The following ENTPD1 variants were observed in gnomAD, a reference collection of about 807,000 sequenced individuals.
ENTPD1 encodes ectonucleoside triphosphate diphosphohydrolase 1, also known as ATP diphosphohydrolase.
In ENTPD1, 33 loss-of-function variants were observed where a neutral mutation model predicts 57.0. The observed-to-expected ratio is 0.58, with a 90% CI of 0.44 to 0.77. The LOEUF is 0.77. ENTPD1 is among the 30% of genes least tolerant of loss of function. The probability of loss-of-function intolerance (pLI) is 0.00; values close to 1 mark genes in which losing one functional copy is unlikely to be tolerated. For missense variants in ENTPD1, 501 were observed against 603.4 expected (o/e 0.83, Z 1.78); for synonymous variants, 202 against 218.8 (o/e 0.92, Z 0.68).
intron 1 of ENTPD1, among the ~76,000 whole-genome samples, chr10:95,764,174 C>T (rs150397724): frequency 7.9e-5 from 12 of 152,310 alleles, no homozygotes; most frequent in Non-Finnish European, 7.4e-5. Context: ...TGGCCCCCAC[C>T]GTTCTGAGTC....
chr10:95,821,862 A>G (rs1283038700), intron 1 of ENTPD1, among the ~76,000 whole-genome samples: 1 of 152,142 alleles, frequency 6.6e-6, no homozygotes, highest in East Asian at 1.9e-4. Flanking sequence ...GCCAGCTTCT[A>G]CGTTTGGGAA....
At chr10:95,814,889 G>A (rs2098324692) in intron 1 of ENTPD1, among the ~76,000 whole-genome samples, 1 of 151,120 alleles carries the variant, frequency 6.6e-6, no homozygotes, top group Non-Finnish European at 1.5e-5. Context: ...CTTATTTCCT[G>A]GCTCTATTTT....
At position 95,791,867 on chromosome 10, in the gene ENTPD1, G is replaced by A. The variant is rs1027994080; in HGVS notation, c.17-31370G>A. 6.6e-6 allele frequency among the ~76,000 whole-genome samples: 1 copy of A among 152,224 alleles called. No homozygotes were observed. Among genetic ancestry groups the A allele is most frequent in the African/African-American group, 2.4e-5 (1 of 41,542 alleles). On this transcript the variant is annotated intron_variant, in intron 1 of 9. Transcript: ENST00000371205. The surrounding 1 kb of genome is among the most constrained non-coding windows in gnomAD (Gnocchi z 4.1). ...GAACTCTAAGGATCCTTTCAACTTTGAGATTTTTTTTTGGTTTGAAAAAGA... is the reference window on the plus strand; with the variant it reads ...GAACTCTAAGGATCCTTTCAACTTTAAGATTTTTTTTTGGTTTGAAAAAGA...
At chr10:95,758,920 C>T (rs532852325) in intron 1 of ENTPD1, among the ~76,000 whole-genome samples, 8 of 152,302 alleles carry the variant, frequency 5.3e-5, no homozygotes, top group South Asian at 2.1e-4. Context: ...GGTCCTCTGA[C>T]GTACTTATTG....
rs762979493 is a variant in ENTPD1 at position 95,844,481 on chromosome 10, A to C, written c.419A>C (p.Glu140Ala). 47 of 1,614,018 alleles carry C rather than the reference A, an allele frequency of 2.9e-5. No individual in the cohort carries two copies. Among genetic ancestry groups the C allele is most frequent in the Non-Finnish European group, 4.0e-5 (47 of 1,179,992 alleles). ...ATAGMRLLRM[E>A]SEELADRVLD... Reference sequence around the variant, plus strand: ...TCAGCTCTTCCTTTGTACAGGATGGAAAGTGAAGAGTTGGCAGACAGGGTT... The same window carrying C: ...TCAGCTCTTCCTTTGTACAGGATGGCAAGTGAAGAGTTGGCAGACAGGGTT... The change falls in exon 5 of 10, where the codon GAA becomes GCA. Residue 140 changes from glutamate to alanine, a missense_variant. Physicochemically the swap from Glu to Ala is moderately radical, Grantham distance 107. Transcript: ENST00000371205.
intron 8 of ENTPD1, among the ~76,000 whole-genome samples, chr10:95,863,525 A>C (rs1271079675): frequency 1.3e-5 from 2 of 152,222 alleles, no homozygotes; most frequent in African/African-American, 4.8e-5. Flanking sequence ...ATCAAAGGAT[A>C]ATTTCCAGAA....
rs2098486504 is a variant in ENTPD1 at position 95,877,146 on chromosome 10, T to C, written c.*10763T>C. 6.6e-6 allele frequency among the ~76,000 whole-genome samples: 1 copy of C among 152,248 alleles called. No individual in the cohort carries two copies. Among genetic ancestry groups the C allele is most frequent in the African/African-American group, 2.4e-5 (1 of 41,468 alleles). ...CAATTGGTTATCTTATAGAGTCTCC[T>C]AGAATATTTCATTGGCATTGAGAAG... On this transcript the variant is annotated 3_prime_UTR_variant, in exon 10 of 10. Transcript: ENST00000371205.
chr10:95,725,504 T>C (rs2097982671), intron 1 of ENTPD1, among the ~76,000 whole-genome samples: 1 of 152,214 alleles, frequency 6.6e-6, no homozygotes, highest in African/African-American at 2.4e-5. Context: ...GCAATTTGTC[T>C]GGGATTAAAC....
Position 95,866,767 on chromosome 10 carries a change from A to G in ENTPD1, c.*384A>G. ...CTGAGCTGGCTGAAAGAAGAATCTC[A>G]GGAACTGGTTCAGTTGTACTCTTTA... is the stretch of plus-strand genomic sequence containing the variant. On this transcript the variant is annotated 3_prime_UTR_variant, in exon 10 of 10. Coordinates refer to ENST00000371205, the MANE Select transcript of ENTPD1 (RefSeq NM_001776.6). 1 of 1,131,426 alleles carries G rather than the reference A, an allele frequency of 8.8e-7. No individual in the cohort carries two copies. The highest frequency in any genetic ancestry group is 1.1e-6 in the Non-Finnish European group (1 of 915,582). 70.1% of individuals were successfully genotyped at this position (1,131,426 alleles called of 1,614,324 possible). A position where few individuals can be genotyped will look rare whatever the true frequency, so the allele number is the denominator to read the frequency against.
At chr10:95,756,727 C>A (rs2098027087) in intron 1 of ENTPD1, 1 of 159,216 alleles carries the variant, frequency 6.3e-6, no homozygotes, top group Non-Finnish European at 1.4e-5. Context: ...TTGCTGGGAA[C>A]AAGACAGAGA....
chr10:95,809,928 G>A (rs138394023), intron 1 of ENTPD1, among the ~76,000 whole-genome samples: 10,612 of 137,530 alleles, frequency 0.077, 927 homozygotes, highest in African/African-American at 0.19. Context: ...CCGGGCAGAG[G>A]TGCTCCTCAC....
chr10:95,746,028 A>C (rs61761204), intron 1 of ENTPD1, among the ~76,000 whole-genome samples: 3,212 of 152,250 alleles, frequency 0.021, 59 homozygotes, highest in Non-Finnish European at 0.034. Context: ...AGAATCACTT[A>C]ACTTTGGGAA....
intron 6 of ENTPD1, chr10:95,846,262 C>G (rs2098435523): frequency 6.6e-6 from 1 of 152,596 alleles, no homozygotes; most frequent in Admixed American, 6.5e-5. Flanking sequence ...ACCTGTAATC[C>G]CAGCTACTTG....
intron 1 of ENTPD1, among the ~76,000 whole-genome samples, chr10:95,721,741 G>T (rs1210924006): frequency 6.6e-6 from 1 of 151,582 alleles, no homozygotes; most frequent in Non-Finnish European, 1.5e-5. Flanking sequence ...ATGAGCATTA[G>T]TGCTAGAGCG....
the ENTPD1 span, among the ~76,000 whole-genome samples, chr10:95,705,277 A>ATGTGTGTGTGTGTGTGTG: frequency 3.7e-4 from 55 of 150,060 alleles, no homozygotes; most frequent in African/African-American, 5.6e-4. Flanking sequence ...CCAGTAGAAA[A>ATGTGTGTGTGTGTGTGTG]TGTGTGTGTG....
upstream of ENTPD1, chr10:95,755,556 A>G: frequency 1.4e-6 from 1 of 694,928 alleles, no homozygotes; most frequent in Non-Finnish European, 2.4e-6. Flanking sequence ...ATTCATAGCC[A>G]GGCAGCGGTT....
chr10:95,848,257 G>C (rs1726858057), intron 7 of ENTPD1, among the ~76,000 whole-genome samples: 1 of 152,252 alleles, frequency 6.6e-6, no homozygotes, highest in African/African-American at 2.4e-5. Context: ...AGGATGTCAC[G>C]ATGCTTACTG....
intron 2 of ENTPD1, among the ~76,000 whole-genome samples, chr10:95,834,250 G>A (rs1421320949): frequency 6.6e-6 from 1 of 152,056 alleles, no homozygotes; most frequent in East Asian, 1.9e-4. Flanking sequence ...TATATACTGT[G>A]GTAAACAAAG....
chr10:95,788,698 C>A (rs1414675438), intron 1 of ENTPD1, among the ~76,000 whole-genome samples: 2 of 151,974 alleles, frequency 1.3e-5, no homozygotes, highest in Non-Finnish European at 2.9e-5. Context: ...AATAAATAAT[C>A]ATAATGGATG....
Sources: gnomAD v4.1 joint callset for allele counts (sites outside exome capture counted in the v4.1 genomes callset) on GRCh38, gnomAD v4.1.1 for gene constraint, Gnocchi (gnomAD v3.1) non-coding constraint, MANE v1.5 for transcripts, NCBI Gene and HGNC (gene_info 2026-07-23, HGNC 2026-07-21) for gene names.